SASS6: variants seen among roughly 807,000 people sequenced by gnomAD.
The protein encoded by SASS6 is SAS-6 centriolar assembly protein, also known as spindle assembly abnormal protein 6 homolog.
A neutral mutation model predicts 94.9 loss-of-function variants in SASS6; 59 were observed. That is an observed-to-expected ratio of 0.62 (90% CI 0.50 to 0.77). The LOEUF (loss-of-function observed/expected upper bound fraction) is 0.77, where lower values mean the gene tolerates loss of function less well. Ranked by LOEUF, SASS6 falls within the 30% of genes least tolerant of loss-of-function variation. SASS6 has a pLI of 0.00. For missense variants in SASS6, 698 were observed against 734.1 expected, an observed-to-expected ratio of 0.95 and a Z score of 0.57; for synonymous variants, 264 against 270.0, an observed-to-expected ratio of 0.98 and a Z score of 0.22.
chr1:100,118,647 G>T (rs756630444), intron 7 of SASS6, among the ~76,000 whole-genome samples: 18 of 152,046 alleles, frequency 1.2e-4, no homozygotes, highest in Non-Finnish European at 1.9e-4. Context: ...ATACAGAATG[G>T]TATCACATTA....
At chr1:100,092,898 T>G (rs533512349) in intron 14 of SASS6, among the ~76,000 whole-genome samples, 1 of 152,114 alleles carries the variant, frequency 6.6e-6, no homozygotes, top group Non-Finnish European at 1.5e-5. Flanking sequence ...TAAATATGTA[T>G]AATGGAGGAT....
At chr1:100,092,316 A>T (rs1012418880) in intron 14 of SASS6, among the ~76,000 whole-genome samples, 2 of 152,200 alleles carry the variant, frequency 1.3e-5, no homozygotes, top group African/African-American at 4.8e-5. Context: ...AAGGAAAAGG[A>T]TTATGAATAC....
chr1:100,105,537 C>A (rs1387449665), intron 13 of SASS6, among the ~76,000 whole-genome samples: 3 of 151,442 alleles, frequency 2.0e-5, no homozygotes, highest in East Asian at 1.9e-4. Context: ...AAAAAAAAAA[C>A]AAAACAAAAC....
chr1:100,129,623 G>A (rs989982316), intron 1 of SASS6, among the ~76,000 whole-genome samples: 9 of 152,028 alleles, frequency 5.9e-5, no homozygotes, highest in African/African-American at 2.2e-4. Flanking sequence ...AACTTTGAAG[G>A]GTCCTTATAG....
At chr1:100,126,651 C>T (rs1654643967) in intron 1 of SASS6, among the ~76,000 whole-genome samples, 1 of 152,122 alleles carries the variant, frequency 6.6e-6, no homozygotes, top group Non-Finnish European at 1.5e-5. Flanking sequence ...GTGGCACCCA[C>T]CTGTAGTCCC....
At chr1:100,132,640 C>A (rs1035812131) in intron 1 of SASS6, 110 bp downstream of exon 1, 5 of 912,202 alleles carry the variant, frequency 5.5e-6, no homozygotes, top group Non-Finnish European at 5.4e-6. Context: ...CCTAGGGGGG[C>A]CGACTCGACA....
chr1:100,101,669 A>G (rs1349128650), intron 14 of SASS6, among the ~76,000 whole-genome samples: 1 of 152,212 alleles, frequency 6.6e-6, no homozygotes, highest in African/African-American at 2.4e-5. Flanking sequence ...ACTGAAACTG[A>G]TAATAAAACA....
Position 100,110,566 on chromosome 1 carries a change from A to T in SASS6, c.670-83T>A, listed in dbSNP as rs1351927522. 10 of 682,290 alleles carry T rather than the reference A, an allele frequency of 1.5e-5. No individual in the cohort carries two copies. In the East Asian group the frequency reaches 1.9e-4, roughly 13 times the overall value. The allele number at this position is 682,290 out of a possible 1,614,324, so 42.3% of individuals were successfully genotyped here. A position where few individuals can be genotyped will look rare whatever the true frequency, so the allele number is the denominator to read the frequency against. On this transcript the variant is annotated intron_variant, in intron 7 of 16. Coordinates refer to ENST00000287482, the MANE Select transcript of SASS6 (RefSeq NM_194292.3). ...TACAGAAAGATTTGAACAAAAAAAA[A>T]TTGTAATTTCTTATTTTTTCTTTTT...
chr1:100,101,798 T>A (rs1296602998), intron 14 of SASS6, among the ~76,000 whole-genome samples: 1 of 152,200 alleles, frequency 6.6e-6, no homozygotes, highest in Non-Finnish European at 1.5e-5. Context: ...AAACTCAGGC[T>A]TAATTTTCAT....
intron 3 of SASS6, among the ~76,000 whole-genome samples, chr1:100,122,959 G>A (rs1013411795): frequency 9.9e-5 from 5 of 50,582 alleles, no homozygotes; most frequent in Non-Finnish European, 1.4e-4. Context: ...TTTATAGAAC[G>A]TATTCAATGG....
At chr1:100,089,400 C>T (rs1216157650) in intron 14 of SASS6, among the ~76,000 whole-genome samples, 1 of 152,022 alleles carries the variant, frequency 6.6e-6, no homozygotes, top group East Asian at 1.9e-4. Context: ...TATTTAAAAA[C>T]TTCATGAAAA....
intron 15 of SASS6, among the ~76,000 whole-genome samples, chr1:100,087,892 A>T (rs548058679): frequency 1.3e-5 from 2 of 152,356 alleles, no homozygotes; most frequent in South Asian, 4.1e-4. Flanking sequence ...TCAACAAACG[A>T]AATTTTACTA....
At chr1:100,091,246 G>C (rs1651659082) in intron 14 of SASS6, among the ~76,000 whole-genome samples, 1 of 152,062 alleles carries the variant, frequency 6.6e-6, no homozygotes, top group Non-Finnish European at 1.5e-5. Context: ...GCAGTGAGCT[G>C]AGATTGCACC....
chr1:100,116,625 AC>A (rs1421022003), intron 7 of SASS6, among the ~76,000 whole-genome samples: 1 of 152,260 alleles, frequency 6.6e-6, no homozygotes, highest in African/African-American at 2.4e-5. Context: ...AATACCAGAA[AC>A]AACTCAAATG....
chr1:100,088,841 A>G (rs1651486605), intron 14 of SASS6, among the ~76,000 whole-genome samples: 1 of 152,040 alleles, frequency 6.6e-6, no homozygotes, highest in Non-Finnish European at 1.5e-5. Flanking sequence ...TCTATAAAAA[A>G]AAAAAAAAAG....
intron 7 of SASS6, among the ~76,000 whole-genome samples, chr1:100,114,002 A>T (rs1012588375): frequency 6.6e-5 from 10 of 151,518 alleles, no homozygotes; most frequent in South Asian, 2.1e-4. Context: ...CTTCAAAAAT[A>T]AAAAAAAATA....
rs183065126 is a variant in SASS6 at position 100,107,089 on chromosome 1, G to A, written c.1327-96C>T. ...TATTAACTAAATAATTACATAAATG[G>A]TTACTACTACTATTATTAAATGAGA... On this transcript the variant is annotated intron_variant, in intron 11 of 16. Coordinates refer to ENST00000287482, the MANE Select transcript of SASS6 (RefSeq NM_194292.3). 683 of 625,358 alleles carry A rather than the reference G, an allele frequency of 1.1e-3. 4 individuals carry two copies. The African/African-American group carries it at 0.011, about 10-fold the overall frequency. The allele number at this position is 625,358 out of a possible 1,614,324, so 38.7% of individuals were successfully genotyped here. A position where few individuals can be genotyped will look rare whatever the true frequency, so the allele number is the denominator to read the frequency against.
chr1:100,125,197 T>C (rs1271253291), intron 2 of SASS6, among the ~76,000 whole-genome samples: 1 of 151,244 alleles, frequency 6.6e-6, no homozygotes, highest in Non-Finnish European at 1.5e-5. Context: ...ATTTATACCA[T>C]GAAATGCCAA....
intron 14 of SASS6, among the ~76,000 whole-genome samples, chr1:100,097,316 C>G (rs550329213): frequency 1.3e-5 from 2 of 152,310 alleles, no homozygotes; most frequent in East Asian, 3.9e-4. Flanking sequence ...CCTGGGTACT[C>G]ACCCACAATA....
Sources: allele counts gnomAD v4.1 joint callset (sites outside exome capture counted in the v4.1 genomes callset), GRCh38; gene constraint gnomAD v4.1.1; transcripts MANE v1.5; gene names NCBI Gene and HGNC (gene_info 2026-07-23, HGNC 2026-07-21).